Variants in RPRD2 observed in about 807,000 individuals in gnomAD.
RPRD2 encodes the protein regulation of nuclear pre-mRNA domain-containing protein 2.
RPRD2 carries 12 observed loss-of-function variants against 104.4 expected under a neutral mutation model. The observed-to-expected ratio is 0.11, with a 90% CI of 0.07 to 0.19. The LOEUF (loss-of-function observed/expected upper bound fraction) is 0.19, where lower values mean the gene tolerates loss of function less well. Ranked by LOEUF, RPRD2 falls within the 10% of genes least tolerant of loss-of-function variation. RPRD2 has a pLI of 1.00. For missense variants in RPRD2, 1,543 were observed against 1,790.1 expected (o/e 0.86, Z 2.49); for synonymous variants, 714 against 684.9 (o/e 1.04, Z -0.66).
intron 1 of RPRD2, among the ~76,000 whole-genome samples, chr1:150,387,686 G>C (rs1183863861): frequency 2.2e-5 from 3 of 135,346 alleles, no homozygotes; most frequent in African/African-American, 8.2e-5. Context: ...CTGCCTCCTG[G>C]GTTCAAGTGG....
chr1:150,458,546 A>T (rs1399282146), intron 8 of RPRD2, among the ~76,000 whole-genome samples: 3 of 152,140 alleles, frequency 2.0e-5, no homozygotes, highest in African/African-American at 7.2e-5. Context: ...CTCATTAATA[A>T]TTTTTTATTT....
chr1:150,438,930 G>A (rs1420839436), intron 2 of RPRD2, among the ~76,000 whole-genome samples: 6 of 152,044 alleles, frequency 3.9e-5, no homozygotes, highest in Admixed American at 3.3e-4. Flanking sequence ...CGACTCCTTG[G>A]TTCAAGCAAT....
At chr1:150,455,574 A>G (rs2102400565) in intron 7 of RPRD2, among the ~76,000 whole-genome samples, 1 of 151,940 alleles carries the variant, frequency 6.6e-6, no homozygotes, top group African/African-American at 2.4e-5. Context: ...AGACATGACT[A>G]CTAAATGTTC....
At chr1:150,433,862 CATA>C (rs1357434290) in intron 2 of RPRD2, among the ~76,000 whole-genome samples, 8 of 86,812 alleles carry the variant, frequency 9.2e-5, no homozygotes, top group Non-Finnish European at 1.7e-4. Context: ...GTTATATATA[CATA>C]ATGTTATATA....
intron 2 of RPRD2, among the ~76,000 whole-genome samples, chr1:150,422,217 G>A (rs1035063947): frequency 2.6e-5 from 4 of 150,944 alleles, no homozygotes; most frequent in African/African-American, 4.9e-5. Context: ...GGTGGCGGGC[G>A]CCTGTAGTTC....
chr1:150,473,281 A>T lies in RPRD2; in HGVS notation c.4333A>T (p.Arg1445Trp). 1.9e-6 allele frequency: 3 copies of T among 1,613,836 alleles called. 1 individual carries two copies. In the South Asian group the frequency reaches 3.3e-5, roughly 18 times the overall value. The change falls in exon 11 of 11, where the codon AGG becomes TGG. Residue 1445 changes from arginine (R) to tryptophan (W), a missense_variant. Arg to Trp is a moderately radical substitution (Grantham distance 101, BLOSUM62 -3). This residue lies in a region of RPRD2 where 880 missense variants were observed against 885.6 expected (regional missense o/e 0.99). Coordinates refer to ENST00000369068, the MANE Select transcript of RPRD2 (RefSeq NM_015203.5). ...AAAGAGACCCAGGCCACCTTTTGCTAGGGGCCCTCCGTTCTTTGCACCAAA... is the reference window on the plus strand; with the variant it reads ...AAAGAGACCCAGGCCACCTTTTGCTTGGGGCCCTCCGTTCTTTGCACCAAA... The part of the protein sequence containing the change: ...SLKRPRPPFA[R>W]GPPFFAPKRP...
chr1:150,460,004 G>T, intron 8 of RPRD2, 56 bp from the exon 9 acceptor site: 1 of 1,536,788 alleles, frequency 6.5e-7, no homozygotes, highest in Non-Finnish European at 8.9e-7. Context: ...ATTTCATATA[G>T]GAAGCAAAGT....
At chr1:150,446,590 T>C (rs587767369) in intron 7 of RPRD2, among the ~76,000 whole-genome samples, 189 bp downstream of exon 7, 20 of 152,194 alleles carry the variant, frequency 1.3e-4, no homozygotes, top group African/African-American at 4.8e-4. Flanking sequence ...GGCAGGAGGA[T>C]TGCTTGAGCC....
Position 150,474,194 on chromosome 1 carries a change from A to G in RPRD2, c.*860A>G, listed in dbSNP as rs1323495884. 6.6e-6 allele frequency: 1 copy of G among 152,176 alleles called. No homozygotes were observed. The highest frequency in any genetic ancestry group is 1.5e-5 in the Non-Finnish European group (1 of 68,022). The allele number at this position is 152,176 out of a possible 1,614,324, so 9.4% of individuals were successfully genotyped here. The stretch of plus-strand genomic sequence containing the variant: ...TTCTGCTGTGGCCAGAAAGACAGTC[A>G]CTACAGTTGACTATTGATACAAAGG... On this transcript the variant is annotated 3_prime_UTR_variant, in exon 11 of 11. Transcript: ENST00000369068.
At chr1:150,397,849 C>A (rs782593234) in intron 1 of RPRD2, among the ~76,000 whole-genome samples, 1 of 152,024 alleles carries the variant, frequency 6.6e-6, no homozygotes, top group Non-Finnish European at 1.5e-5. Flanking sequence ...CGGATTCAAG[C>A]GATTCTCCTG....
chr1:150,453,593 A>G (rs1478013580), intron 7 of RPRD2, among the ~76,000 whole-genome samples: 1 of 152,312 alleles, frequency 6.6e-6, no homozygotes, highest in Non-Finnish European at 1.5e-5. Context: ...TGAACATATT[A>G]ATCATAGCTG....
In RPRD2 at chr1:150,472,894, G is replaced by GGCA. The variant is rs750336012; in HGVS notation, c.3947_3948insCAG (p.Gly1316_Val1317insArg). The GGCA allele has an allele frequency of 7.4e-6, 12 of 1,613,360 alleles. No individual in the cohort carries two copies. In the South Asian group the frequency reaches 1.1e-4, roughly 15 times the overall value. On this transcript the variant is annotated inframe_insertion, in exon 11 of 11. Transcript: ENST00000369068. ...CCCAGCCCCACCACTGGCAGAGCAC[G>GGCA]GAGTGGCAGGGGCTGTGGCAGTATT...
At chr1:150,431,565 C>G (rs1665595634) in intron 2 of RPRD2, among the ~76,000 whole-genome samples, 1 of 143,604 alleles carries the variant, frequency 7.0e-6, no homozygotes, top group East Asian at 2.2e-4. Flanking sequence ...GCTGCAACTT[C>G]CGCTTCCCGG....
chr1:150,403,488 T>TA (rs782062770), intron 1 of RPRD2, among the ~76,000 whole-genome samples: 6 of 152,194 alleles, frequency 3.9e-5, no homozygotes, highest in Non-Finnish European at 7.3e-5. Context: ...TACTCCTAGA[T>TA]ACGTCATGGT....
At chr1:150,385,729 C>T (rs1432823451) in intron 1 of RPRD2, among the ~76,000 whole-genome samples, 9 of 152,176 alleles carry the variant, frequency 5.9e-5, no homozygotes, top group African/African-American at 2.2e-4. Flanking sequence ...ATGTTTAACT[C>T]CCCTGAGTAG....
At chr1:150,439,060 CTT>C (rs587616402) in intron 2 of RPRD2, among the ~76,000 whole-genome samples, 70 of 152,194 alleles carry the variant, frequency 4.6e-4, no homozygotes, top group African/African-American at 1.5e-3. Flanking sequence ...GTCTCGATCT[CTT>C]GACCTTGTGA....
At chr1:150,415,690 C>CA (rs1664281278) in intron 1 of RPRD2, among the ~76,000 whole-genome samples, 1 of 151,810 alleles carries the variant, frequency 6.6e-6, no homozygotes, top group African/African-American at 2.4e-5. Context: ...TCCAAATAAA[C>CA]AAAAAACACA....
intron 1 of RPRD2, among the ~76,000 whole-genome samples, chr1:150,393,197 G>A (rs748516240): frequency 4.6e-5 from 7 of 151,844 alleles, no homozygotes; most frequent in Admixed American, 6.6e-5. Flanking sequence ...GGCTGGGTGC[G>A]GTGGCTCACA....
chr1:150,374,379 T>C (rs782458240), intron 1 of RPRD2, among the ~76,000 whole-genome samples: 3 of 152,208 alleles, frequency 2.0e-5, no homozygotes, highest in Non-Finnish European at 2.9e-5. Context: ...TCCTTTGTTA[T>C]GTCCTTTATA....
Sources: gnomAD v4.1 joint callset for allele counts (sites outside exome capture counted in the v4.1 genomes callset) on GRCh38, gnomAD v4.1.1 for gene constraint, gnomAD v4.1.1 regional missense constraint, MANE v1.5 for transcripts, NCBI Gene and HGNC (gene_info 2026-07-23, HGNC 2026-07-21) for gene names.